SYT17: variants seen among roughly 807,000 people sequenced by gnomAD.
The protein encoded by SYT17 is synaptotagmin 17, also known as synaptotagmin-17.
A neutral mutation model predicts 46.7 loss-of-function variants in SYT17; 22 were observed. The ratio of observed to expected loss-of-function variants is 0.47; its 90% CI spans 0.34 to 0.67. SYT17 has a LOEUF of 0.67. SYT17 is among the 30% of genes least tolerant of loss of function. The pLI, the probability that SYT17 is intolerant of heterozygous loss-of-function variation, is 0.01. For synonymous variants in SYT17, 251 were observed against 248.4 expected (o/e 1.01, Z -0.10); for missense variants, 519 against 612.8 (o/e 0.85, Z 1.62).
intron 5 of SYT17, among the ~76,000 whole-genome samples, chr16:19,203,256 C>T (rs1010964362): frequency 5.3e-5 from 8 of 151,368 alleles, no homozygotes; most frequent in Admixed American, 3.3e-4. Context: ...TTTGGGAGGC[C>T]GAGGAGGCTG....
intron 7 of SYT17, among the ~76,000 whole-genome samples, chr16:19,226,916 T>C (rs1289717647): frequency 6.6e-6 from 1 of 152,200 alleles, no homozygotes; most frequent in Non-Finnish European, 1.5e-5. Flanking sequence ...ACACGTGTTA[T>C]AATGAGTGAC....
intron 7 of SYT17, among the ~76,000 whole-genome samples, chr16:19,230,677 A>G (rs1966648634): frequency 6.6e-6 from 1 of 152,160 alleles, no homozygotes; most frequent in South Asian, 2.1e-4. Flanking sequence ...CTTTGAGGGA[A>G]TAGTTAGGCG....
chr16:19,205,658 C>G (rs144098822), intron 5 of SYT17, among the ~76,000 whole-genome samples: 30 of 152,182 alleles, frequency 2.0e-4, no homozygotes, highest in African/African-American at 7.2e-4. Flanking sequence ...CTTTTTGTAT[C>G]TTTAGTAGAG....
intron 4 of SYT17, among the ~76,000 whole-genome samples, chr16:19,182,039 TCACTA>T: frequency 1.3e-5 from 2 of 151,416 alleles, no homozygotes; most frequent in African/African-American, 4.8e-5. Context: ...TTAAAGTATC[TCACTA>T]AAATATTTTT....
At chr16:19,201,246 T>C (rs1424048012) in intron 5 of SYT17, among the ~76,000 whole-genome samples, 3 of 152,132 alleles carry the variant, frequency 2.0e-5, no homozygotes, top group Non-Finnish European at 4.4e-5. Flanking sequence ...GTGTGATGTG[T>C]CAGGACCCTT....
chr16:19,217,136 G>A (rs1966126419), intron 5 of SYT17, among the ~76,000 whole-genome samples: 1 of 152,208 alleles, frequency 6.6e-6, no homozygotes, highest in Non-Finnish European at 1.5e-5. Context: ...AACCAGTGAT[G>A]ATGAGCTTTT....
chr16:19,256,968 C>T (rs1335701170), intron 7 of SYT17, among the ~76,000 whole-genome samples: 1 of 152,096 alleles, frequency 6.6e-6, no homozygotes, highest in Non-Finnish European at 1.5e-5. Context: ...TTTGAGCACT[C>T]AACCTCTTAA....
At chr16:19,205,062 C>T (rs1965612073) in intron 5 of SYT17, among the ~76,000 whole-genome samples, 1 of 152,208 alleles carries the variant, frequency 6.6e-6, no homozygotes, top group Non-Finnish European at 1.5e-5. Context: ...TTAGGACGCC[C>T]CTCATGGGTC....
rs1555459738 is a variant in SYT17 at position 19,220,303 on chromosome 16, C to CTTTTTTTTTTTTTT, written c.952-2738_952-2725dup. On this transcript the variant is annotated intron_variant, in intron 5 of 7. Transcript: ENST00000355377. ...TTCAATGACATTTCTTTCTTTCTTTCTTTTTTTTTTTTTTTTTGAGATGAA... is the reference window on the plus strand; with the variant it reads ...TTCAATGACATTTCTTTCTTTCTTTCTTTTTTTTTTTTTTTTTTTTTTTTTTTTTTTGAGATGAA... Among the ~76,000 whole-genome samples the CTTTTTTTTTTTTTT allele has an allele frequency of 4.5e-4, 36 of 80,498 alleles. 2 individuals carry two copies. The highest frequency in any genetic ancestry group is 1.5e-3 in the African/African-American group (30 of 19,866). The allele number at this position is 80,498 out of a possible 152,430, so 52.8% of individuals were successfully genotyped here.
chr16:19,205,310 A>C (rs1307157994), intron 5 of SYT17, among the ~76,000 whole-genome samples: 1 of 151,940 alleles, frequency 6.6e-6, no homozygotes, highest in Non-Finnish European at 1.5e-5. Flanking sequence ...TCTCAGGCAC[A>C]CCTGGAGTGG....
At chr16:19,184,230 C>T (rs570043899) in intron 5 of SYT17, 83 bp downstream of exon 5, 4 of 1,482,148 alleles carry the variant, frequency 2.7e-6, no homozygotes, top group African/African-American at 2.8e-5. Flanking sequence ...GTTTAAAAGG[C>T]TTTTTTGGAT....
intron 7 of SYT17, among the ~76,000 whole-genome samples, chr16:19,228,839 C>T (rs1047155891): frequency 9.9e-5 from 15 of 152,278 alleles, no homozygotes; most frequent in Middle Eastern, 3.4e-3. Flanking sequence ...CAAAGCCCAG[C>T]CTATTAGCAT....
intron 7 of SYT17, among the ~76,000 whole-genome samples, chr16:19,243,565 C>A (rs1314625056): frequency 6.6e-6 from 1 of 152,074 alleles, no homozygotes; most frequent in Non-Finnish European, 1.5e-5. Context: ...AATCCCAGCA[C>A]TTTGGGAGGC....
intron 5 of SYT17, among the ~76,000 whole-genome samples, chr16:19,197,060 C>G (rs1342748957): frequency 6.6e-6 from 1 of 152,224 alleles, no homozygotes; most frequent in African/African-American, 2.4e-5. Flanking sequence ...AGACGAGGCT[C>G]TTGACAAGGC....
In SYT17 at chr16:19,268,060, G is replaced by A. The variant is rs1969482672; in HGVS notation, c.*984G>A. 1 of 151,982 alleles carries A rather than the reference G, an allele frequency of 6.6e-6. No homozygotes were observed. The highest frequency in any genetic ancestry group is 6.6e-5 in the Admixed American group (1 of 15,262). 9.4% of individuals were successfully genotyped at this position (151,982 alleles called of 1,614,324 possible). A position where few individuals can be genotyped will look rare whatever the true frequency, so the allele number is the denominator to read the frequency against. On this transcript the variant is annotated 3_prime_UTR_variant, in exon 8 of 8. Coordinates refer to ENST00000355377, the MANE Select transcript of SYT17 (RefSeq NM_016524.4). ...ACCCACGAAAGACATACAAAGACTT[G>A]ATATATGGATTAAAATGGCTATCAC...
chr16:19,209,897 CA>C (rs201816399), intron 5 of SYT17, among the ~76,000 whole-genome samples: 1,331 of 71,404 alleles, frequency 0.019, 17 homozygotes, highest in African/African-American at 0.087. Flanking sequence ...CAAAACAAAA[CA>C]AAAACAACAA....
At chr16:19,234,476 C>T (rs371700452) in intron 7 of SYT17, among the ~76,000 whole-genome samples, 1 of 151,788 alleles carries the variant, frequency 6.6e-6, no homozygotes, top group African/African-American at 2.4e-5. Flanking sequence ...TTTACCTTTC[C>T]TCTAATGCTG....
chr16:19,207,475 G>T (rs1250714267), intron 5 of SYT17, among the ~76,000 whole-genome samples: 2 of 152,102 alleles, frequency 1.3e-5, no homozygotes, highest in Non-Finnish European at 2.9e-5. Context: ...AATCACGGTG[G>T]AAGGCAAGGG....
intron 5 of SYT17, among the ~76,000 whole-genome samples, chr16:19,185,594 C>A (rs1230328215): frequency 5.3e-5 from 8 of 149,950 alleles, no homozygotes; most frequent in African/African-American, 1.7e-4. Context: ...CAGAGTGAGA[C>A]CCTGTCTCTT....
Sources: gnomAD v4.1 joint callset for allele counts (sites outside exome capture counted in the v4.1 genomes callset) on GRCh38, gnomAD v4.1.1 for gene constraint, MANE v1.5 for transcripts, NCBI Gene and HGNC (gene_info 2026-07-23, HGNC 2026-07-21) for gene names.